Variants in PREPL observed in about 807,000 individuals in gnomAD.
PREPL encodes prolyl endopeptidase like.
Under a neutral mutation model 70.6 loss-of-function variants are expected in PREPL, and 77 were observed. That is an observed-to-expected ratio of 1.09 (90% CI 0.91 to 1.32). The LOEUF is 1.32. Ranked by LOEUF, PREPL falls within the 40% of genes most tolerant of loss-of-function variation. The pLI is 0.00. For missense variants in PREPL, 1,002 were observed against 778.2 expected, an observed-to-expected ratio of 1.29 and a Z score of -3.42; for synonymous variants, 315 against 264.8, an observed-to-expected ratio of 1.19 and a Z score of -1.84.
intron 7 of PREPL, among the ~76,000 whole-genome samples, chr2:44,336,225 G>A (rs559111804): frequency 4.6e-5 from 7 of 152,118 alleles, no homozygotes; most frequent in African/African-American, 9.6e-5. Context: ...AATACAAATC[G>A]CTCTACCATA....
intron 8 of PREPL, among the ~76,000 whole-genome samples, chr2:44,331,910 C>T (rs1188158720): frequency 6.6e-6 from 1 of 151,284 alleles, no homozygotes; most frequent in South Asian, 2.1e-4. Context: ...ACATAAACAA[C>T]ATGTAAAATA....
chr2:44,323,540 G>A (rs1673193397), intron 10 of PREPL, 129 bp from the exon 11 acceptor site: 4 of 678,176 alleles, frequency 5.9e-6, no homozygotes, highest in South Asian at 3.0e-5. Context: ...AGATTCCTAG[G>A]AGCTAGAATA....
chr2:44,343,044 C>T (rs1675400395), intron 4 of PREPL, among the ~76,000 whole-genome samples: 1 of 152,210 alleles, frequency 6.6e-6, no homozygotes, highest in African/African-American at 2.4e-5. Context: ...CACACAATTA[C>T]ACCATGACTG....
chr2:44,335,415 G>C (rs904600424), intron 7 of PREPL, among the ~76,000 whole-genome samples: 1 of 152,088 alleles, frequency 6.6e-6, no homozygotes, highest in Non-Finnish European at 1.5e-5. Flanking sequence ...TATTCATACA[G>C]ACTGAAATAA....
intron 1 of PREPL, among the ~76,000 whole-genome samples, chr2:44,351,433 A>C (rs1324402441): frequency 2.6e-5 from 4 of 151,864 alleles, no homozygotes; most frequent in African/African-American, 9.7e-5. Context: ...CTGACTACCC[A>C]ACATTTTTAC....
rs746388535 is a variant in PREPL, at chr2:44,323,414, A to T, written c.1480-3T>A. ...TTGAGAACATCCAAGAAAGGTGCCT[A>T]AAAAAAAGGCAAAGAAACTTATACT... On this transcript the variant is annotated splice_region_variant and splice_polypyrimidine_tract_variant and intron_variant, in intron 10 of 13. Transcript: ENST00000409411. The T allele has an allele frequency of 1.3e-6, 2 of 1,556,596 alleles. No individual in the cohort carries two copies. The highest frequency in any genetic ancestry group is 1.7e-6 in the Non-Finnish European group (2 of 1,152,006).
intron 8 of PREPL, among the ~76,000 whole-genome samples, chr2:44,329,373 C>G (rs79821941): frequency 0.051 from 7,830 of 152,228 alleles, 250 homozygotes; most frequent in South Asian, 0.13. Flanking sequence ...TGCAGCTTTT[C>G]ATGACAATAA....
chr2:44,338,626 T>TA, intron 6 of PREPL, 90 bp from the exon 7 acceptor site: 1 of 1,023,862 alleles, frequency 9.8e-7, no homozygotes, highest in Non-Finnish European at 1.4e-6. Context: ...TAGACCATAC[T>TA]AGTCCTCACT....
intron 1 of PREPL, among the ~76,000 whole-genome samples, chr2:44,348,292 G>C (rs1235777268): frequency 6.6e-6 from 1 of 152,080 alleles, no homozygotes; most frequent in Non-Finnish European, 1.5e-5. Context: ...ATCTACAGTT[G>C]ATCTTTAAAG....
At position 44,343,811 on chromosome 2, in the gene PREPL, A is replaced by G; in HGVS notation, c.283T>C (p.Cys95Arg). The G allele has an allele frequency of 1.2e-6, 2 of 1,614,024 alleles. No individual in the cohort carries two copies. The highest frequency in any genetic ancestry group is 2.2e-5 in the South Asian group (2 of 91,082). Reference sequence around the variant, plus strand: ...TGATCGCTGAGCTTTATAATTACACAGGTAGATGCTTCAGAATCTTCAGTT... The same window carrying G: ...TGATCGCTGAGCTTTATAATTACACGGGTAGATGCTTCAGAATCTTCAGTT... ...IRTEDSEASTCVIIKLSDQPV... is the reference protein window; with the variant it reads ...IRTEDSEASTRVIIKLSDQPV... The change falls in exon 4 of 14, where the codon TGT becomes CGT. Residue 95 changes from cysteine (C) to arginine (R), a missense_variant. Transcript: ENST00000409411.
intron 7 of PREPL, among the ~76,000 whole-genome samples, chr2:44,337,823 T>A (rs964062929): frequency 2.6e-5 from 4 of 152,232 alleles, no homozygotes; most frequent in Non-Finnish European, 5.9e-5. Context: ...TCTGTGCTGC[T>A]GTGGAGACCA....
chr2:44,321,939 T>A lies in PREPL; in HGVS notation c.1754-39A>T. 2.5e-6 allele frequency: 4 copies of A among 1,580,742 alleles called. No individual in the cohort carries two copies. In the African/African-American group the frequency reaches 5.4e-5, roughly 21 times the overall value. On this transcript the variant is annotated intron_variant, in intron 12 of 13. Transcript: ENST00000409411. ...CATGTAGAACAATTAGAAGATTGTATGGGATCTTCTTTGGAAGATCGAGAC... is the reference window on the plus strand; with the variant it reads ...CATGTAGAACAATTAGAAGATTGTAAGGGATCTTCTTTGGAAGATCGAGAC...
chr2:44,334,509 A>C (rs962119136), intron 7 of PREPL, among the ~76,000 whole-genome samples: 3 of 152,166 alleles, frequency 2.0e-5, no homozygotes, highest in Non-Finnish European at 4.4e-5. Flanking sequence ...TACGAGGCAA[A>C]TATGTGAAGG....
At position 44,317,790 on chromosome 2, in the gene PREPL, A is replaced by G. The variant is rs1435537132; in HGVS notation, c.*3566T>C. 6.4e-6 allele frequency: 1 copy of G among 156,864 alleles called. No homozygotes were observed. The highest frequency in any genetic ancestry group is 2.4e-5 in the African/African-American group (1 of 41,482). The allele number at this position is 156,864 out of a possible 1,614,324, so 9.7% of individuals were successfully genotyped here. A position where few individuals can be genotyped will look rare whatever the true frequency, so the allele number is the denominator to read the frequency against. ...ATAGAAAAAAACCCTAAACAATAGTATAACTACAAATAAAATAGGGCTTCC... is the reference window on the plus strand; with the variant it reads ...ATAGAAAAAAACCCTAAACAATAGTGTAACTACAAATAAAATAGGGCTTCC... On this transcript the variant is annotated 3_prime_UTR_variant, in exon 14 of 14. Coordinates refer to ENST00000409411, the MANE Select transcript of PREPL (RefSeq NM_001171613.2).
chr2:44,361,696 C>G (rs1418575592), upstream of PREPL: 2 of 341,472 alleles, frequency 5.9e-6, no homozygotes, highest in Admixed American at 4.9e-5. Flanking sequence ...CTTCTGAGCT[C>G]GAGATGAAGC....
intron 1 of PREPL, among the ~76,000 whole-genome samples, chr2:44,359,198 G>C (rs1427334684): frequency 6.6e-6 from 1 of 151,136 alleles, no homozygotes; most frequent in Non-Finnish European, 1.5e-5. Flanking sequence ...CTCCCAAGTA[G>C]CTGGGATTAC....
intron 7 of PREPL, among the ~76,000 whole-genome samples, chr2:44,336,098 T>C (rs1239607628): frequency 6.6e-6 from 1 of 152,172 alleles, no homozygotes; most frequent in Non-Finnish European, 1.5e-5. Context: ...GCTTATACAC[T>C]GCTAGTGGAA....
At chr2:44,353,955 GTT>G in intron 1 of PREPL, among the ~76,000 whole-genome samples, 1 of 152,162 alleles carries the variant, frequency 6.6e-6, no homozygotes, top group Non-Finnish European at 1.5e-5. Flanking sequence ...GAGCTTAGGA[GTT>G]TGAGACAAGC....
intron 8 of PREPL, among the ~76,000 whole-genome samples, chr2:44,331,257 T>C (rs1674055967): frequency 6.6e-6 from 1 of 152,038 alleles, no homozygotes; most frequent in Non-Finnish European, 1.5e-5. Flanking sequence ...ACTTCTTCTG[T>C]AGGCTGGAGA....
Sources: allele counts gnomAD v4.1 joint callset (sites outside exome capture counted in the v4.1 genomes callset), GRCh38; gene constraint gnomAD v4.1.1; transcripts MANE v1.5; gene names NCBI Gene and HGNC (gene_info 2026-07-23, HGNC 2026-07-21).